Variants in RASSF2 observed in about 807,000 individuals in gnomAD.
RASSF2 encodes ras association domain-containing protein 2.
Under a neutral mutation model 46.3 loss-of-function variants are expected in RASSF2, and 34 were observed. The ratio of observed to expected loss-of-function variants is 0.73; its 90% confidence interval spans 0.56 to 0.98. The LOEUF (loss-of-function observed/expected upper bound fraction) is 0.98, where lower values mean the gene tolerates loss of function less well. Among genes scored for constraint, RASSF2 ranks in the 50% least tolerant of loss-of-function variants. The pLI, the probability that RASSF2 is intolerant of heterozygous loss-of-function variation, is 0.00. For synonymous variants in RASSF2, 158 were observed against 162.5 expected, an observed-to-expected ratio of 0.97 and a Z score of 0.21; for missense variants, 364 against 431.2, an observed-to-expected ratio of 0.84 and a Z score of 1.38.
rs568883273 is a variant in RASSF2, at chr20:4,813,265, C to T, written c.-33+9064G>A. On this transcript the variant is annotated intron_variant, in intron 2 of 11. Coordinates refer to ENST00000379400, the MANE Select transcript of RASSF2 (RefSeq NM_014737.3). ...GCCTGGCCCACCGACACAGGAGGAA[C>T]TGAAACACAGCAAGGGCCATGCTGG... is the stretch of plus-strand genomic sequence containing the variant. Among the ~76,000 whole-genome samples, 9 of 152,302 alleles carry T rather than the reference C, an allele frequency of 5.9e-5. No homozygotes were observed. The East Asian group carries it at 1.5e-3, about 26-fold the overall frequency.
At chr20:4,802,175 G>A (rs1041562314) in intron 2 of RASSF2, among the ~76,000 whole-genome samples, 11 of 152,036 alleles carry the variant, frequency 7.2e-5, no homozygotes, top group African/African-American at 2.4e-4. Context: ...GGGCTCCCTC[G>A]ATCCCCCCGC....
chr20:4,818,365 T>C (rs373712663), intron 2 of RASSF2, among the ~76,000 whole-genome samples: 1 of 152,142 alleles, frequency 6.6e-6, no homozygotes, highest in African/African-American at 2.4e-5. Context: ...CGCTTGAACA[T>C]ATCCCATGAC....
At chr20:4,804,353 CTTTT>C (rs10659167) in intron 2 of RASSF2, among the ~76,000 whole-genome samples, 4 of 118,710 alleles carry the variant, frequency 3.4e-5, no homozygotes, top group African/African-American at 1.3e-4. Context: ...AGAAAGCTTT[CTTTT>C]TTTTTTTTTT....
chr20:4,813,355 G>A (rs1005462628), intron 2 of RASSF2, among the ~76,000 whole-genome samples: 3 of 152,244 alleles, frequency 2.0e-5, no homozygotes, highest in Middle Eastern at 3.4e-3. Context: ...GGCCCAGCCC[G>A]GCCCAGCCCT....
intron 2 of RASSF2, among the ~76,000 whole-genome samples, chr20:4,803,582 C>T (rs1232741203): frequency 6.6e-6 from 1 of 151,716 alleles, no homozygotes; most frequent in Non-Finnish European, 1.5e-5. Context: ...CAGGAGACCC[C>T]ATCTCTACAA....
At chr20:4,817,545 G>A (rs1202328719) in intron 2 of RASSF2, among the ~76,000 whole-genome samples, 2 of 152,120 alleles carry the variant, frequency 1.3e-5, no homozygotes, top group East Asian at 1.9e-4. Flanking sequence ...TGCAAACCAT[G>A]AGCAGACTCT....
chr20:4,790,594 G>A lies in RASSF2; in HGVS notation c.394C>T (p.Pro132Ser). Residue 132 changes from proline to serine, a missense_variant, in exon 7 of 12, where the codon CCC becomes TCC. Coordinates refer to ENST00000379400, the MANE Select transcript of RASSF2 (RefSeq NM_014737.3). This position sits in a 1 kb window ranked among gnomAD's most constrained non-coding sequence, Gnocchi z 4.3. ...PSSTDSRGLK[P>S]LQEDTPQLMR... is the part of the protein sequence containing the mutation. ...AGCTGTGGGGTGTCCTCCTGCAGGG[G>A]CTTCAGGCCCCTGGAGTCTGAGAGA... 6.6e-7 allele frequency: 1 copy of A among 1,525,958 alleles called. No individual in the cohort carries two copies. The highest frequency in any genetic ancestry group is 8.7e-7 in the Non-Finnish European group (1 of 1,147,564). The allele number at this position is 1,525,958 out of a possible 1,614,324, so 94.5% of individuals were successfully genotyped here. A position where few individuals can be genotyped will look rare whatever the true frequency, so the allele number is the denominator to read the frequency against.
intron 2 of RASSF2, among the ~76,000 whole-genome samples, chr20:4,805,454 A>G (rs1169611329): frequency 1.3e-5 from 2 of 152,192 alleles, no homozygotes; most frequent in Admixed American, 6.5e-5. Flanking sequence ...TGGTGCGAGC[A>G]GAGCCCTACC....
At chr20:4,784,549 C>G (rs1925122949) in intron 11 of RASSF2, among the ~76,000 whole-genome samples, 2 of 114,218 alleles carry the variant, frequency 1.8e-5, no homozygotes, top group Admixed American at 1.2e-4. Context: ...ATAAAGAGGC[C>G]AAATCCAAAT....
intron 11 of RASSF2, among the ~76,000 whole-genome samples, chr20:4,785,921 T>C (rs73058462): frequency 0.086 from 13,031 of 152,272 alleles, 1,011 homozygotes; most frequent in African/African-American, 0.2. Flanking sequence ...TCACCTTCCC[T>C]ATTTCTGCAT....
At position 4,790,358 on chromosome 20, in the gene RASSF2, G is replaced by GCATC. The variant is rs1380294344; in HGVS notation, c.537+89_537+92dup. On this transcript the variant is annotated intron_variant, in intron 7 of 11. Coordinates refer to ENST00000379400, the MANE Select transcript of RASSF2 (RefSeq NM_014737.3). The surrounding 1 kb of genome is among the most constrained non-coding windows in gnomAD (Gnocchi z 4.3). ...CAGCAGCAAACACTTGGCTTCCCAG[G>GCATC]CATCCACACCACCCACCATATGGCT... The GCATC allele has an allele frequency of 3.2e-5, 41 of 1,301,514 alleles. No individual in the cohort carries two copies. Among genetic ancestry groups the GCATC allele is most frequent in the Non-Finnish European group, 3.6e-5 (36 of 1,000,382 alleles). 80.6% of individuals were successfully genotyped at this position (1,301,514 alleles called of 1,614,324 possible).
chr20:4,792,753 C>T, intron 5 of RASSF2, 126 bp from the exon 6 acceptor site: 2 of 1,461,866 alleles, frequency 1.4e-6, no homozygotes, highest in African/African-American at 2.8e-5. Context: ...TGGGTACTGG[C>T]ACACATCAGG....
In RASSF2 at chr20:4,812,742, A is replaced by C. The variant is rs1927925637; in HGVS notation, c.-33+9587T>G. 2.6e-5 allele frequency among the ~76,000 whole-genome samples: 4 copies of C among 152,200 alleles called. No individual in the cohort carries two copies. The highest frequency in any genetic ancestry group is 2.0e-4 in the Admixed American group (3 of 15,284). On this transcript the variant is annotated intron_variant, in intron 2 of 11. Coordinates refer to ENST00000379400, the MANE Select transcript of RASSF2 (RefSeq NM_014737.3). The surrounding 1 kb of genome is among the most constrained non-coding windows in gnomAD (Gnocchi z 4.0). ...TCCCTCCAAGAACCTCAGGGGGAAG[A>C]CTTCACTTTACAAATGAGGAAACAG...
At position 4,801,050 on chromosome 20, in the gene RASSF2, C is replaced by G; in HGVS notation, c.-20G>C. 6.2e-7 allele frequency: 1 copy of G among 1,612,742 alleles called. No individual in the cohort carries two copies. The highest frequency in any genetic ancestry group is 8.5e-7 in the Non-Finnish European group (1 of 1,178,742). On this transcript the variant is annotated 5_prime_UTR_variant, in exon 3 of 12. Coordinates refer to ENST00000379400, the MANE Select transcript of RASSF2 (RefSeq NM_014737.3). Reference sequence around the variant, plus strand: ...GTCCATTCTTCCTTTCTCTTTTCATCGGAAGGAGAGGCCTACATTTGGAAG... The same window carrying G: ...GTCCATTCTTCCTTTCTCTTTTCATGGGAAGGAGAGGCCTACATTTGGAAG...
At chr20:4,789,453 G>T in intron 8 of RASSF2, 143 bp downstream of exon 8, 1 of 647,940 alleles carries the variant, frequency 1.5e-6, no homozygotes, top group Non-Finnish European at 2.7e-6. Flanking sequence ...CTTTGTCCTG[G>T]ATCGTGAGGA....
At chr20:4,792,734 G>A in intron 5 of RASSF2, 107 bp from the exon 6 acceptor site, 1 of 1,480,732 alleles carries the variant, frequency 6.8e-7, no homozygotes, top group Non-Finnish European at 9.0e-7. Flanking sequence ...CACTTTGCTA[G>A]TGCCAGGCTG....
In RASSF2 at chr20:4,783,505, G is replaced by C. The variant is rs1925019185; in HGVS notation, c.*768C>G. On this transcript the variant is annotated 3_prime_UTR_variant, in exon 12 of 12. Transcript: ENST00000379400. ...TCTCTGTCTCCTAAAGGTAGCCATG[G>C]AGGCAGAGATGGAGGCAGAATCCAC... is the stretch of plus-strand genomic sequence containing the variant. The C allele has an allele frequency of 6.6e-6, 1 of 152,666 alleles. No individual in the cohort carries two copies. The highest frequency in any genetic ancestry group is 2.4e-5 in the African/African-American group (1 of 41,460). The allele number at this position is 152,666 out of a possible 1,614,324, so 9.5% of individuals were successfully genotyped here. A position where few individuals can be genotyped will look rare whatever the true frequency, so the allele number is the denominator to read the frequency against.
intron 2 of RASSF2, among the ~76,000 whole-genome samples, chr20:4,803,518 C>G (rs571888210): frequency 6.2e-4 from 94 of 152,116 alleles, no homozygotes; most frequent in Non-Finnish European, 9.0e-4. Flanking sequence ...CTTCATGAAG[C>G]CGAGGCAGGA....
Position 4,795,970 on chromosome 20 carries a change from C to A in RASSF2, c.136-4G>T. ...CCACAATGAACTCGTCTTCTTCCTG[C>A]CCACAAAGCAATCAGAGTAGTGAGC... On this transcript the variant is annotated splice_region_variant and splice_polypyrimidine_tract_variant and intron_variant, in intron 4 of 11. Coordinates refer to ENST00000379400, the MANE Select transcript of RASSF2 (RefSeq NM_014737.3). The surrounding 1 kb of genome is among the most constrained non-coding windows in gnomAD (Gnocchi z 4.0). The A allele has an allele frequency of 6.6e-7, 1 of 1,508,946 alleles. No homozygotes were observed. The highest frequency in any genetic ancestry group is 1.3e-5 in the South Asian group (1 of 78,410). 93.5% of individuals were successfully genotyped at this position (1,508,946 alleles called of 1,614,324 possible).
Sources: gnomAD v4.1 joint callset for allele counts (sites outside exome capture counted in the v4.1 genomes callset) on GRCh38, gnomAD v4.1.1 for gene constraint, Gnocchi (gnomAD v3.1) non-coding constraint, MANE v1.5 for transcripts, NCBI Gene and HGNC (gene_info 2026-07-23, HGNC 2026-07-21) for gene names.